Variants in MAOA observed in about 807,000 individuals in gnomAD.
The protein encoded by MAOA is monoamine oxidase A.
MAOA carries 6 observed loss-of-function variants against 42.0 expected under a neutral mutation model. That is an observed-to-expected ratio of 0.14 (90% CI 0.08 to 0.28). The LOEUF (loss-of-function observed/expected upper bound fraction) is 0.28, where lower values mean the gene tolerates loss of function less well. Among genes scored for constraint, MAOA ranks in the 10% least tolerant of loss-of-function variants. MAOA has a pLI of 1.00. For synonymous variants in MAOA, 140 were observed against 154.0 expected (o/e 0.91, Z 0.67); for missense variants, 262 against 422.3 (o/e 0.62, Z 3.33).
At chrX:43,694,250 A>G (rs1008095493) in intron 3 of MAOA, among the ~76,000 whole-genome samples, 5 of 111,392 alleles carry the variant, frequency 4.5e-5, no homozygotes, top group African/African-American at 1.6e-4. Flanking sequence ...ATCATTTCTC[A>G]ACAAATACAT....
chrX:43,706,897 A>G (rs1482833038), intron 3 of MAOA, among the ~76,000 whole-genome samples: 1 of 111,659 alleles, frequency 9.0e-6, no homozygotes, highest in East Asian at 2.8e-4. Flanking sequence ...CAGAGATAGG[A>G]CTACACAATT....
chrX:43,739,269 A>G (rs896070254), intron 10 of MAOA, among the ~76,000 whole-genome samples: 8 of 111,987 alleles, frequency 7.1e-5, no homozygotes, highest in Admixed American at 6.6e-4. Flanking sequence ...AAGGAAGCCA[A>G]ACTTCCTCTG....
At chrX:43,656,436 G>T (rs1229094042) in intron 1 of MAOA, 22 bp downstream of exon 1, 2 of 1,193,708 alleles carry the variant, frequency 1.7e-6, no homozygotes, top group East Asian at 5.9e-5. Context: ...CCGTAGCGGT[G>T]GCCTGGGGGA....
intron 13 of MAOA, 61 bp from the exon 14 acceptor site, chrX:43,744,048 G>A (rs2033980609): frequency 1.7e-6 from 2 of 1,193,891 alleles, no homozygotes; most frequent in Admixed American, 4.4e-5. Flanking sequence ...GGCTAGCAGG[G>A]CCTTGAATCT....
chrX:43,664,918 T>A (rs1223511853), intron 1 of MAOA, among the ~76,000 whole-genome samples: 1 of 111,894 alleles, frequency 8.9e-6, no homozygotes, highest in Non-Finnish European at 1.9e-5. Context: ...AATGTGCAGT[T>A]ATGTAAGAAT....
rs1441144205 is a variant in MAOA, at chrX:43,741,219, A to T, written c.1164+481A>T. 4.5e-5 allele frequency among the ~76,000 whole-genome samples: 5 copies of T among 111,328 alleles called. 1 individual carries two copies. In the Middle Eastern group the frequency reaches 0.013, roughly 282 times the overall value. On this transcript the variant is annotated intron_variant, in intron 11 of 14. Transcript: ENST00000338702. ...TTTCCATGTGTGAACTCAATTCACA[A>T]CTCATTTAGGAATATCAGTGCTTTC...
At chrX:43,730,467 C>G (rs1427450156) in intron 6 of MAOA, among the ~76,000 whole-genome samples, 2 of 106,247 alleles carry the variant, frequency 1.9e-5, no homozygotes, top group Admixed American at 1.0e-4. Flanking sequence ...AAAAGTTACT[C>G]AAGATCTGAT....
chrX:43,724,295 G>T (rs1389286286), intron 5 of MAOA, among the ~76,000 whole-genome samples: 1 of 111,363 alleles, frequency 9.0e-6, no homozygotes, highest in Non-Finnish European at 1.9e-5. Context: ...ATTCAGCTGT[G>T]AATCCATCTG....
intron 2 of MAOA, among the ~76,000 whole-genome samples, chrX:43,688,069 TC>T (rs2033501724): frequency 8.9e-6 from 1 of 112,245 alleles, no homozygotes; most frequent in Non-Finnish European, 1.9e-5. Context: ...CTCAAGACCT[TC>T]CAACGGCTCC....
chrX:43,705,791 G>T (rs1353741437), intron 3 of MAOA, among the ~76,000 whole-genome samples: 1 of 111,726 alleles, frequency 9.0e-6, no homozygotes, highest in Non-Finnish European at 1.9e-5. Flanking sequence ...TTCAAAAATG[G>T]ACAAAGGACT....
intron 2 of MAOA, among the ~76,000 whole-genome samples, chrX:43,684,502 G>A (rs2033468533): frequency 9.1e-6 from 1 of 110,070 alleles, no homozygotes. Flanking sequence ...AAAGAGGAAG[G>A]GGTGCTCAAC....
intron 5 of MAOA, among the ~76,000 whole-genome samples, chrX:43,719,519 G>A (rs777886221): frequency 9.0e-6 from 1 of 110,903 alleles, no homozygotes; most frequent in African/African-American, 3.3e-5. Context: ...TGTTTTGGGG[G>A]AATTGTGTCT....
chrX:43,655,560 C>G (rs1377328831), upstream of MAOA: 1 of 111,198 alleles, frequency 9.0e-6, no homozygotes, highest in African/African-American at 3.3e-5. Context: ...AGCCTCCAAT[C>G]AGGACACCGG....
intron 1 of MAOA, among the ~76,000 whole-genome samples, chrX:43,680,258 A>G (rs111420091): frequency 8.1e-5 from 9 of 111,623 alleles, no homozygotes; most frequent in African/African-American, 2.6e-4. Context: ...GACATTCTGT[A>G]TATGAGTAAA....
chrX:43,718,208 A>C (rs1323370692), intron 5 of MAOA, among the ~76,000 whole-genome samples: 1 of 107,233 alleles, frequency 9.3e-6, no homozygotes, highest in Non-Finnish European at 1.9e-5. Context: ...GGTATCTTCC[A>C]AGAATGATTC....
intron 5 of MAOA, among the ~76,000 whole-genome samples, chrX:43,719,740 C>G (rs1287801584): frequency 9.1e-6 from 1 of 110,383 alleles, no homozygotes; most frequent in Admixed American, 9.6e-5. Context: ...CTCAGAGATC[C>G]CAGAGGGAGT....
rs749737721 is a variant in MAOA, at chrX:43,746,178, T to A, written c.*1665T>A. ...CAGTCCTGACACACCTTTTGGGAAATGCTGATTTAAACTTCTTAACTGGCA... is the reference window on the plus strand; with the variant it reads ...CAGTCCTGACACACCTTTTGGGAAAAGCTGATTTAAACTTCTTAACTGGCA... On this transcript the variant is annotated 3_prime_UTR_variant, in exon 15 of 15. Coordinates refer to ENST00000338702, the MANE Select transcript of MAOA (RefSeq NM_000240.4). 9.8e-5 allele frequency: 11 copies of A among 112,626 alleles called. No individual in the cohort carries two copies. The South Asian group carries it at 4.1e-3, about 41-fold the overall frequency. The allele number at this position is 112,626 out of a possible 1,213,427, so 9.3% of individuals were successfully genotyped here.
intron 1 of MAOA, among the ~76,000 whole-genome samples, chrX:43,665,358 G>A (rs777372647): frequency 9.0e-6 from 1 of 111,272 alleles, no homozygotes; most frequent in Non-Finnish European, 1.9e-5. Flanking sequence ...AGTATATGGT[G>A]TCTCAACTTC....
chrX:43,740,978 A>C (rs1025404208), intron 11 of MAOA, among the ~76,000 whole-genome samples: 1 of 111,652 alleles, frequency 9.0e-6, no homozygotes, highest in Admixed American at 9.6e-5. Context: ...ACTGGCAGCC[A>C]ATTGTAATGA....
Sources: allele counts gnomAD v4.1 joint callset (sites outside exome capture counted in the v4.1 genomes callset), GRCh38; gene constraint gnomAD v4.1.1; transcripts MANE v1.5; gene names NCBI Gene and HGNC (gene_info 2026-07-23, HGNC 2026-07-21).